Variants in KCNIP1 observed in about 807,000 individuals in gnomAD.
KCNIP1 encodes the protein potassium voltage-gated channel interacting protein 1, also known as A-type potassium channel modulatory protein KCNIP1.
KCNIP1 carries 18 observed loss-of-function variants against 33.0 expected under a neutral mutation model. The ratio of observed to expected loss-of-function variants is 0.55; its 90% CI spans 0.38 to 0.81. The LOEUF (loss-of-function observed/expected upper bound fraction) is 0.81, where lower values mean the gene tolerates loss of function less well. Ranked by LOEUF, KCNIP1 falls within the 30% of genes least tolerant of loss-of-function variation. The probability of loss-of-function intolerance (pLI) is 0.00; values close to 1 mark genes in which losing one functional copy is unlikely to be tolerated. For missense variants in KCNIP1, 238 were observed against 271.6 expected (o/e 0.88, Z 0.87); for synonymous variants, 93 against 98.3 (o/e 0.95, Z 0.32).
intron 1 of KCNIP1, chr5:170,483,250 A>ACCACCCT: frequency 3.5e-6 from 1 of 289,484 alleles, no homozygotes; most frequent in Non-Finnish European, 6.8e-6. Context: ...GGGTGATCCC[A>ACCACCCT]GGCTGGGGAC....
intron 6 of KCNIP1, among the ~76,000 whole-genome samples, chr5:170,733,200 A>G (rs1383137889): frequency 6.6e-6 from 1 of 152,174 alleles, no homozygotes; most frequent in Non-Finnish European, 1.5e-5. Context: ...ACAACTGTGG[A>G]GGTGTTAAGC....
chr5:170,505,377 C>T (rs1222810895), intron 1 of KCNIP1, among the ~76,000 whole-genome samples: 1 of 152,050 alleles, frequency 6.6e-6, no homozygotes, highest in African/African-American at 2.4e-5. Context: ...GTGTGTTGGG[C>T]CCTGGAGGAC....
intron 1 of KCNIP1, among the ~76,000 whole-genome samples, chr5:170,655,683 TGCTG>T (rs1761230890): frequency 6.6e-6 from 1 of 152,174 alleles, no homozygotes; most frequent in Non-Finnish European, 1.5e-5. Flanking sequence ...TGACTTTCAG[TGCTG>T]GGACCATAAC....
At chr5:170,517,137 G>A (rs1429805489) in intron 1 of KCNIP1, among the ~76,000 whole-genome samples, 3 of 152,150 alleles carry the variant, frequency 2.0e-5, no homozygotes, top group Admixed American at 2.0e-4. Flanking sequence ...CTTTCCAGGA[G>A]GCATGGCTGG....
chr5:170,392,763 G>A (rs893088351), intron 1 of KCNIP1, among the ~76,000 whole-genome samples: 1 of 152,148 alleles, frequency 6.6e-6, no homozygotes, highest in East Asian at 1.9e-4. Context: ...GGCGGAGGTC[G>A]CAGTGAGCTG....
At chr5:170,690,746 G>A (rs1762692857) in intron 1 of KCNIP1, among the ~76,000 whole-genome samples, 1 of 152,214 alleles carries the variant, frequency 6.6e-6, no homozygotes, top group South Asian at 2.1e-4. Context: ...CTTTAGAATT[G>A]AATTACATCA....
intron 1 of KCNIP1, among the ~76,000 whole-genome samples, chr5:170,589,870 A>G (rs1758174628): frequency 6.6e-6 from 1 of 151,726 alleles, no homozygotes; most frequent in Non-Finnish European, 1.5e-5. Context: ...CTTCCAGGCC[A>G]GTCCTGAAGC....
At chr5:170,645,888 T>C (rs1408959493) in intron 1 of KCNIP1, among the ~76,000 whole-genome samples, 2 of 149,644 alleles carry the variant, frequency 1.3e-5, no homozygotes, top group Admixed American at 6.6e-5. Flanking sequence ...AAAAGAAATC[T>C]TGAGAAATTA....
At chr5:170,509,776 A>C (rs1293597945) in intron 1 of KCNIP1, among the ~76,000 whole-genome samples, 1 of 152,226 alleles carries the variant, frequency 6.6e-6, no homozygotes, top group Non-Finnish European at 1.5e-5. Flanking sequence ...TGAAAAATAT[A>C]AATTCAGTCA....
In KCNIP1 at chr5:170,735,998, T is replaced by C. The variant is rs139927230; in HGVS notation, c.*192T>C. The C allele has an allele frequency of 5.8e-3, 3,290 of 567,784 alleles. 155 individuals are homozygous for C. In the Admixed American group the frequency reaches 0.089, roughly 15 times the overall value. 35.2% of individuals were successfully genotyped at this position (567,784 alleles called of 1,614,324 possible). On this transcript the variant is annotated 3_prime_UTR_variant, in exon 8 of 8. Transcript: ENST00000328939. Reference sequence around the variant, plus strand: ...TGTGGCTCAGTCTCTGATTGCCAACTCTTCCTCTTTCTTCTTCTTGAGAGA... The same window carrying C: ...TGTGGCTCAGTCTCTGATTGCCAACCCTTCCTCTTTCTTCTTCTTGAGAGA...
At chr5:170,676,050 A>ATGAAAG in intron 1 of KCNIP1, among the ~76,000 whole-genome samples, 1 of 149,964 alleles carries the variant, frequency 6.7e-6, no homozygotes, top group Non-Finnish European at 1.5e-5. Flanking sequence ...GAGAGAGCAG[A>ATGAAAG]AAGGAGGGAG....
intron 1 of KCNIP1, among the ~76,000 whole-genome samples, chr5:170,498,554 TGAG>T (rs1300140004): frequency 2.0e-5 from 3 of 152,270 alleles, no homozygotes; most frequent in South Asian, 4.1e-4. Flanking sequence ...CAATTTGCAA[TGAG>T]GAGATGATTT....
intron 1 of KCNIP1, chr5:170,378,040 C>A (rs1014716789): frequency 6.6e-6 from 1 of 152,038 alleles, no homozygotes; most frequent in Admixed American, 6.6e-5. Context: ...GAAACACACC[C>A]TTCCTATAAT....
intron 1 of KCNIP1, among the ~76,000 whole-genome samples, chr5:170,661,595 T>C (rs2113748796): frequency 6.6e-6 from 1 of 152,184 alleles, no homozygotes; most frequent in South Asian, 2.1e-4. Context: ...AGCTGCATTC[T>C]TGGCCCAGCA....
intron 1 of KCNIP1, among the ~76,000 whole-genome samples, chr5:170,495,930 G>C (rs974445341): frequency 2.6e-5 from 4 of 152,034 alleles, no homozygotes; most frequent in African/African-American, 4.8e-5. Flanking sequence ...CCTTTTTCAG[G>C]CTCCAATTGC....
intron 1 of KCNIP1, among the ~76,000 whole-genome samples, chr5:170,561,750 C>T (rs576854670): frequency 7.2e-5 from 11 of 152,342 alleles, no homozygotes; most frequent in Admixed American, 2.0e-4. Flanking sequence ...AGTATATATT[C>T]GTTGAGTTCC....
intron 1 of KCNIP1, among the ~76,000 whole-genome samples, chr5:170,589,150 A>G (rs1192772720): frequency 6.6e-6 from 1 of 151,824 alleles, no homozygotes; most frequent in Non-Finnish European, 1.5e-5. Context: ...AGGTGCTGCC[A>G]CCATACCTGG....
chr5:170,547,350 T>C lies in KCNIP1; in HGVS notation c.61+42717T>C, dbSNP rs182295659. Among the ~76,000 whole-genome samples the C allele has an allele frequency of 5.1e-4, 77 of 152,332 alleles. 1 individual carries two copies. Among genetic ancestry groups the C allele is most frequent in the Non-Finnish European group, 2.6e-4 (18 of 68,022 alleles). Reference sequence around the variant, plus strand: ...TCTTTGCTCCATCTATATCTGTCCATTGTGACTTAAAATTTCCTTTTTTTA... The same window carrying C: ...TCTTTGCTCCATCTATATCTGTCCACTGTGACTTAAAATTTCCTTTTTTTA... On this transcript the variant is annotated intron_variant, in intron 1 of 7. Transcript: ENST00000328939.
chr5:170,716,120 G>C (rs1199052687), intron 1 of KCNIP1, among the ~76,000 whole-genome samples: 1 of 152,230 alleles, frequency 6.6e-6, no homozygotes, highest in African/African-American at 2.4e-5. Flanking sequence ...TGATGTGAGA[G>C]CGGCAGCGTG....
Sources: gnomAD v4.1 joint callset for allele counts (sites outside exome capture counted in the v4.1 genomes callset) on GRCh38, gnomAD v4.1.1 for gene constraint, MANE v1.5 for transcripts, NCBI Gene and HGNC (gene_info 2026-07-23, HGNC 2026-07-21) for gene names.